The following DISP1 variants were observed in gnomAD, a reference collection of about 807,000 sequenced individuals.
DISP1 encodes the protein dispatched RND transporter family member 1.
A neutral mutation model predicts 37.3 loss-of-function variants in DISP1; 30 were observed. The ratio of observed to expected loss-of-function variants is 0.80; its 90% CI spans 0.60 to 1.09. The LOEUF (loss-of-function observed/expected upper bound fraction) is 1.09. DISP1 is among the 50% of genes least tolerant of loss of function. DISP1 has a pLI of 0.00. For synonymous variants in DISP1, 634 were observed against 690.2 expected, an observed-to-expected ratio of 0.92 and a Z score of 1.28; for missense variants, 1,598 against 1,879.5, an observed-to-expected ratio of 0.85 and a Z score of 2.77.
Position 223,003,309 on chromosome 1 carries a change from G to C in DISP1, c.1912G>C (p.Gly638Arg), listed in dbSNP as rs762028035. ...TAIRCFGVYA[G>R]TAILVNYVLM... is the part of the protein sequence containing the mutation. Reference sequence around the variant, plus strand: ...AATCCGATGCTTTGGGGTTTATGCGGGGACAGCTATATTGGTGAATTACGT... The same window carrying C: ...AATCCGATGCTTTGGGGTTTATGCGCGGACAGCTATATTGGTGAATTACGT... The change falls in exon 9 of 9, where the codon GGG becomes CGG. Residue 638 changes from glycine (G) to arginine (R), a missense_variant. Coordinates refer to ENST00000675850, the MANE Select transcript of DISP1 (RefSeq NM_001377229.1). The surrounding 1 kb of genome is among the most constrained non-coding windows in gnomAD (Gnocchi z 4.3). 2 of 1,614,172 alleles carry C rather than the reference G, an allele frequency of 1.2e-6. No individual in the cohort carries two copies. The highest frequency in any genetic ancestry group is 1.7e-6 in the Non-Finnish European group (2 of 1,180,042).
intron 1 of DISP1, among the ~76,000 whole-genome samples, chr1:222,926,979 A>C (rs2125450290): frequency 6.6e-6 from 1 of 152,286 alleles, no homozygotes; most frequent in African/African-American, 2.4e-5. Context: ...GGGGGTTACA[A>C]ATAATTTATA....
At chr1:222,819,051 G>T (rs36083483) in intron 1 of DISP1, among the ~76,000 whole-genome samples, 28,961 of 152,090 alleles carry the variant, frequency 0.19, 3,387 homozygotes, top group Non-Finnish European at 0.24. Flanking sequence ...ATTGGATCAT[G>T]GAGGTGGTTT....
At chr1:222,975,986 G>A (rs1391064013) in intron 3 of DISP1, among the ~76,000 whole-genome samples, 1 of 152,142 alleles carries the variant, frequency 6.6e-6, no homozygotes, top group Admixed American at 6.5e-5. Flanking sequence ...GCGGGAGTGT[G>A]TGGTGGGACG....
chr1:222,874,831 C>A (rs1057338251), intron 1 of DISP1, among the ~76,000 whole-genome samples: 30 of 152,234 alleles, frequency 2.0e-4, no homozygotes, highest in Non-Finnish European at 3.7e-4. Flanking sequence ...GGAGGAGAGG[C>A]GCTCTGATTT....
At chr1:222,868,935 T>C (rs1401760395) in intron 1 of DISP1, among the ~76,000 whole-genome samples, 1 of 152,182 alleles carries the variant, frequency 6.6e-6, no homozygotes, top group East Asian at 1.9e-4. Flanking sequence ...GCAAGCTAAT[T>C]AAAGTTAACA....
chr1:222,840,557 CT>C (rs71176702), intron 1 of DISP1, among the ~76,000 whole-genome samples: 220 of 116,098 alleles, frequency 1.9e-3, no homozygotes, highest in African/African-American at 5.3e-3. Flanking sequence ...TACAGTATCT[CT>C]TTTTTTTTTT....
intron 1 of DISP1, among the ~76,000 whole-genome samples, chr1:222,825,499 C>CT (rs954921482): frequency 0.014 from 1,789 of 131,780 alleles, 36 homozygotes; most frequent in African/African-American, 0.035. Flanking sequence ...ACCTGTTTCT[C>CT]TTTTTTTTTT....
chr1:222,840,854 G>A (rs1038209053), intron 1 of DISP1, among the ~76,000 whole-genome samples: 10 of 151,918 alleles, frequency 6.6e-5, no homozygotes, highest in Non-Finnish European at 8.8e-5. Flanking sequence ...GAGCCACTGC[G>A]CCCAGCCAGA....
chr1:222,990,342 G>C (rs756101709), intron 4 of DISP1, among the ~76,000 whole-genome samples: 10 of 152,086 alleles, frequency 6.6e-5, no homozygotes, highest in Non-Finnish European at 1.2e-4. Context: ...TGTCATATAT[G>C]AACATTATTC....
intron 1 of DISP1, among the ~76,000 whole-genome samples, chr1:222,865,076 A>G (rs945671386): frequency 2.0e-5 from 3 of 151,496 alleles, no homozygotes; most frequent in South Asian, 2.1e-4. Context: ...AACGTGGTAT[A>G]TTTTTCTCTC....
At chr1:222,832,941 CAT>C (rs1283586949) in intron 1 of DISP1, among the ~76,000 whole-genome samples, 2 of 152,024 alleles carry the variant, frequency 1.3e-5, no homozygotes, top group East Asian at 1.9e-4. Flanking sequence ...TTAGATTACA[CAT>C]GTTAAATTTA....
In DISP1 at chr1:223,003,599, C is replaced by A. The variant is rs763031170; in HGVS notation, c.2202C>A (p.Tyr734Ter). Residue 734 changes from tyrosine to a stop codon, truncating the protein, a stop_gained, in exon 9 of 9, where the codon TAC (tyrosine) becomes TAA (stop). Transcript: ENST00000675850. LOFTEE classifies it low-confidence loss of function (END_TRUNC). This position sits in a 1 kb window ranked among gnomAD's most constrained non-coding sequence, Gnocchi z 4.3. The part of the protein sequence containing the change: ...WFLALTVGGA[Y>*]IVCINPKMKL... ...TTGCCTTAACTGTAGGTGGGGCCTA[C>A]ATTGTATGTATAAATCCAAAGATGA... 6.2e-6 allele frequency: 10 copies of A among 1,614,236 alleles called. No individual in the cohort carries two copies. In the Admixed American group the frequency reaches 1.5e-4, roughly 24 times the overall value.
In DISP1 at chr1:223,004,370, A is replaced by T; in HGVS notation, c.2973A>T (p.Ser991=). The T allele has an allele frequency of 6.2e-7, 1 of 1,614,198 alleles. No individual in the cohort carries two copies. Among genetic ancestry groups the T allele is most frequent in the Non-Finnish European group, 8.5e-7 (1 of 1,180,032 alleles). ...GCACCCTCATTGCCATGGGGCTGTC[A>T]GTTGCTGTTGCATTTAGCGTGATGC... ...SDGTLIAMGL[S]VAVAFSVMLL... The change falls in exon 9 of 9, where the codon TCA becomes TCT. Residue 991 remains serine, a synonymous_variant. Coordinates refer to ENST00000675850, the MANE Select transcript of DISP1 (RefSeq NM_001377229.1). This position sits in a 1 kb window ranked among gnomAD's most constrained non-coding sequence, Gnocchi z 4.9.
chr1:223,004,578 C>T lies in DISP1; in HGVS notation c.3181C>T (p.Arg1061Cys), dbSNP rs371849402. Residue 1061 changes from arginine (R) to cysteine (C), a missense_variant, in exon 9 of 9, where the codon CGC (arginine) becomes TGC (cysteine). Transcript: ENST00000675850. This position sits in a 1 kb window ranked among gnomAD's most constrained non-coding sequence, Gnocchi z 4.9. ...TGCCGTCCATTATGGGGTTGCCTAC[C>T]GCTTGGCTCCAGATCCCGACCGAGA... ...DFAVHYGVAYRLAPDPDREGK... is the reference protein window; with the variant it reads ...DFAVHYGVAYCLAPDPDREGK... The T allele has an allele frequency of 9.3e-6, 15 of 1,614,176 alleles. No individual in the cohort carries two copies. Among genetic ancestry groups the T allele is most frequent in the South Asian group, 6.6e-5 (6 of 91,074 alleles).
chr1:222,959,700 C>CA (rs139605919), intron 3 of DISP1, among the ~76,000 whole-genome samples: 28,701 of 111,324 alleles, frequency 0.26, 3,460 homozygotes, highest in Non-Finnish European at 0.3. Flanking sequence ...AACTCTGTCT[C>CA]AAAAAAAAAA....
In DISP1 at chr1:222,973,763, T is replaced by C. The variant is rs370104623; in HGVS notation, c.510-9317T>C. Among the ~76,000 whole-genome samples the C allele has an allele frequency of 4.9e-4, 74 of 152,328 alleles. No individual in the cohort carries two copies. The South Asian group carries it at 0.015, about 32-fold the overall frequency. ...GCTCTTCCCATTTCTGCGTTCCTTT[T>C]CATTTTCAGTTCACAAGCAATACCT... On this transcript the variant is annotated intron_variant, in intron 3 of 8. Coordinates refer to ENST00000675850, the MANE Select transcript of DISP1 (RefSeq NM_001377229.1).
At chr1:222,979,520 A>G in intron 3 of DISP1, 1 of 429,076 alleles carries the variant, frequency 2.3e-6, no homozygotes. Context: ...TAATTGGGTG[A>G]ATTATGTGGT....
At chr1:222,946,256 C>T (rs1029949019) in intron 3 of DISP1, among the ~76,000 whole-genome samples, 19 of 149,576 alleles carry the variant, frequency 1.3e-4, no homozygotes, top group Non-Finnish European at 2.1e-4. Flanking sequence ...TGGTGGCGGG[C>T]GCCTGTAGTC....
At chr1:222,992,158 T>G (rs1249824522) in intron 7 of DISP1, 48 bp downstream of exon 7, 16 of 1,424,076 alleles carry the variant, frequency 1.1e-5, no homozygotes, top group Non-Finnish European at 1.4e-5. Context: ...TTGCTCGCAT[T>G]TAAAATTGAA....
Sources: allele counts gnomAD v4.1 joint callset (sites outside exome capture counted in the v4.1 genomes callset), GRCh38; gene constraint gnomAD v4.1.1; non-coding constraint Gnocchi (gnomAD v3.1); transcripts MANE v1.5; gene names NCBI Gene and HGNC (gene_info 2026-07-23, HGNC 2026-07-21).